The following LRPPRC variants were observed in gnomAD, a reference collection of about 807,000 sequenced individuals.
LRPPRC encodes leucine rich pentatricopeptide repeat containing.
LRPPRC carries 120 observed loss-of-function variants against 180.3 expected under a neutral mutation model. That is an observed-to-expected ratio of 0.67 (90% CI 0.57 to 0.77). The LOEUF (loss-of-function observed/expected upper bound fraction) is 0.77. Ranked by LOEUF, LRPPRC falls within the 30% of genes least tolerant of loss-of-function variation. The probability of loss-of-function intolerance (pLI) is 0.00; values close to 1 mark genes in which losing one functional copy is unlikely to be tolerated. For missense variants in LRPPRC, 2,012 were observed against 1,657.2 expected (o/e 1.21, Z -3.72); for synonymous variants, 723 against 600.0 (o/e 1.21, Z -3.00).
intron 36 of LRPPRC, among the ~76,000 whole-genome samples, chr2:43,891,891 A>G (rs1413615439): frequency 1.3e-5 from 2 of 152,246 alleles, no homozygotes; most frequent in Admixed American, 6.5e-5. Flanking sequence ...TCCTTGAAGG[A>G]AATTAAAAAG....
chr2:43,943,804 G>A lies in LRPPRC; in HGVS notation c.2387C>T (p.Ala796Val). 6.2e-7 allele frequency: 1 copy of A among 1,613,398 alleles called. No individual in the cohort carries two copies. The stretch of plus-strand genomic sequence containing the variant: ...TGTTTCAATTTCACCTCTTAAAGCT[G>A]CGCCATTTAGCATGTGGAAAAAGGA... Reference protein sequence around the residue: ...ALSFFHMLNGAALRGEIETVK... With the variant: ...ALSFFHMLNGVALRGEIETVK... Residue 796 changes from alanine to valine, a missense_variant, in exon 23 of 38, where the codon GCA becomes GTA. Coordinates refer to ENST00000260665, the MANE Select transcript of LRPPRC (RefSeq NM_133259.4).
At chr2:43,896,792 A>T (rs1670702516) in intron 34 of LRPPRC, 84 bp from the exon 35 acceptor site, 1 of 838,046 alleles carries the variant, frequency 1.2e-6, no homozygotes, top group Admixed American at 1.7e-5. Flanking sequence ...AAGAAAGTTC[A>T]CAATAATACA....
chr2:43,934,220 T>G lies in LRPPRC; in HGVS notation c.2706A>C (p.Gly902=), dbSNP rs1213206569. ...YDLFFAFLQT[G]NYKEAKKIIE... is the part of the protein sequence containing the mutation. The stretch of plus-strand genomic sequence containing the variant: ...TGATCTTCTTGGCCTCTTTGTAATT[T>G]CCTGTTTGTAGGAAGGCAAAGAAGA... Residue 902 remains glycine (G), a synonymous_variant, in exon 25 of 38, where the codon GGA becomes GGC. Transcript: ENST00000260665. The G allele has an allele frequency of 2.5e-6, 4 of 1,610,614 alleles. No individual in the cohort carries two copies. In the East Asian group the frequency reaches 8.9e-5, roughly 36 times the overall value.
intron 27 of LRPPRC, among the ~76,000 whole-genome samples, chr2:43,919,136 C>G (rs983645914): frequency 6.6e-6 from 1 of 152,116 alleles, no homozygotes; most frequent in East Asian, 1.9e-4. Context: ...AGTGCCAACT[C>G]TATTGTGAAC....
At chr2:43,894,443 C>A in intron 36 of LRPPRC, 102 bp downstream of exon 36, 1 of 681,978 alleles carries the variant, frequency 1.5e-6, no homozygotes, top group African/African-American at 1.8e-5. Context: ...GAGCTGAAGA[C>A]TAAGACTTAG....
chr2:43,917,960 C>A, intron 29 of LRPPRC, 65 bp downstream of exon 29: 1 of 1,146,256 alleles, frequency 8.7e-7, no homozygotes, highest in Non-Finnish European at 1.3e-6. Flanking sequence ...TGGGCTTACA[C>A]CCCACACTGC....
In LRPPRC at chr2:43,893,360, T is replaced by C. The variant is rs77395216; in HGVS notation, c.3985+1185A>G. Among the ~76,000 whole-genome samples, 1,391 of 152,320 alleles carry C rather than the reference T, an allele frequency of 9.1e-3. 20 individuals are homozygous for C. The highest frequency in any genetic ancestry group is 0.032 in the African/African-American group (1,314 of 41,550). On this transcript the variant is annotated intron_variant, in intron 36 of 37. Coordinates refer to ENST00000260665, the MANE Select transcript of LRPPRC (RefSeq NM_133259.4). The stretch of plus-strand genomic sequence containing the variant: ...AATGCTAACAAACAACATCGCATAC[T>C]ACAGAGAACTCTTTCGTGAAAGGAA...
At chr2:43,941,837 TAAAAAA>T (rs35278650) in intron 23 of LRPPRC, among the ~76,000 whole-genome samples, 1 of 92,858 alleles carries the variant, frequency 1.1e-5, no homozygotes, top group Non-Finnish European at 2.3e-5. Flanking sequence ...CAAAGTAGTC[TAAAAAA>T]AAAAAAAAAA....
intron 3 of LRPPRC, among the ~76,000 whole-genome samples, chr2:43,978,538 A>T (rs1224823138): frequency 6.6e-6 from 1 of 152,100 alleles, no homozygotes; most frequent in Non-Finnish European, 1.5e-5. Context: ...TATTTCTCCC[A>T]GTTCAATGAC....
intron 1 of LRPPRC, among the ~76,000 whole-genome samples, chr2:43,991,742 G>T (rs1040101526): frequency 6.6e-6 from 1 of 152,180 alleles, no homozygotes; most frequent in Non-Finnish European, 1.5e-5. Context: ...AAAGTAAAAG[G>T]ATATACTTCT....
chr2:43,962,471 AAAC>A (rs1673387139), intron 12 of LRPPRC, among the ~76,000 whole-genome samples: 1 of 152,244 alleles, frequency 6.6e-6, no homozygotes, highest in African/African-American at 2.4e-5. Context: ...AACATCTCTT[AAAC>A]AACATGTTCC....
intron 13 of LRPPRC, among the ~76,000 whole-genome samples, chr2:43,958,592 T>C (rs1418118704): frequency 6.6e-6 from 1 of 152,234 alleles, no homozygotes; most frequent in Non-Finnish European, 1.5e-5. Context: ...ACTGAGTCAC[T>C]CAAGGAATTT....
At chr2:43,919,084 C>T (rs1033918497) in intron 27 of LRPPRC, among the ~76,000 whole-genome samples, 13 of 151,834 alleles carry the variant, frequency 8.6e-5, no homozygotes, top group Non-Finnish European at 1.9e-4. Context: ...CCGCTGAGCT[C>T]CACCTCCTGT....
chr2:43,979,770 C>T lies in LRPPRC; in HGVS notation c.469+56G>A, dbSNP rs1048565702. ...ATTTATGTAAACAAACACTTTTTTG[C>T]AAAAAGAAAAAACATCTACACCTTT... On this transcript the variant is annotated intron_variant, in intron 3 of 37. Transcript: ENST00000260665. The T allele has an allele frequency of 7.8e-6, 12 of 1,546,676 alleles. No homozygotes were observed. In the Admixed American group the frequency reaches 1.9e-4, roughly 24 times the overall value.
chr2:43,917,417 A>G (rs1212821027), intron 29 of LRPPRC, among the ~76,000 whole-genome samples: 1 of 152,050 alleles, frequency 6.6e-6, no homozygotes, highest in Non-Finnish European at 1.5e-5. Context: ...TCATCCCTCA[A>G]TAACTCATGT....
At chr2:43,899,391 A>G in intron 33 of LRPPRC, 57 bp from the exon 34 acceptor site, 4 of 1,606,380 alleles carry the variant, frequency 2.5e-6, no homozygotes, top group Non-Finnish European at 3.4e-6. Context: ...TAACTCACCT[A>G]CCAAAGAAAT....
intron 13 of LRPPRC, among the ~76,000 whole-genome samples, chr2:43,960,111 AT>A (rs1007858676): frequency 2.6e-5 from 4 of 152,198 alleles, no homozygotes; most frequent in African/African-American, 9.6e-5. Flanking sequence ...GTTTTTGTTA[AT>A]GAAGACTAGA....
intron 25 of LRPPRC, among the ~76,000 whole-genome samples, chr2:43,929,450 T>C (rs1672006773): frequency 6.6e-6 from 1 of 152,180 alleles, no homozygotes; most frequent in Non-Finnish European, 1.5e-5. Flanking sequence ...TTTGTATACG[T>C]TTTATGGTAG....
chr2:43,926,531 C>T (rs1363412772), intron 25 of LRPPRC, among the ~76,000 whole-genome samples: 1 of 152,074 alleles, frequency 6.6e-6, no homozygotes, highest in African/African-American at 2.4e-5. Context: ...CCACACCTGG[C>T]TAATTTTTGT....
Sources: gnomAD v4.1 joint callset for allele counts (sites outside exome capture counted in the v4.1 genomes callset) on GRCh38, gnomAD v4.1.1 for gene constraint, MANE v1.5 for transcripts, NCBI Gene and HGNC (gene_info 2026-07-23, HGNC 2026-07-21) for gene names.